Variants in NPSR1 observed in about 807,000 individuals in gnomAD.
NPSR1 encodes the protein neuropeptide S receptor.
In NPSR1, 48 loss-of-function variants were observed where a neutral mutation model predicts 46.9. The observed-to-expected ratio is 1.02, with a 90% CI of 0.81 to 1.30. NPSR1 has a LOEUF of 1.30. NPSR1 is among the 50% of genes most tolerant of loss of function. The probability of loss-of-function intolerance (pLI) is 0.00; values close to 1 mark genes in which losing one functional copy is unlikely to be tolerated. For synonymous variants in NPSR1, 176 were observed against 168.1 expected (o/e 1.05, Z -0.36); for missense variants, 450 against 449.5 (o/e 1.00, Z -0.01).
intron 8 of NPSR1, among the ~76,000 whole-genome samples, chr7:34,864,360 T>G (rs1279573766): frequency 2.7e-5 from 4 of 146,574 alleles, no homozygotes; most frequent in Non-Finnish European, 6.0e-5. Flanking sequence ...ATCCCAGAAC[T>G]TAAAGTATAA....
intron 2 of NPSR1, among the ~76,000 whole-genome samples, chr7:34,736,729 C>A (rs962145631): frequency 2.6e-5 from 4 of 151,930 alleles, no homozygotes; most frequent in Non-Finnish European, 5.9e-5. Context: ...GCCTCCCAAG[C>A]AGCTAGGACT....
At chr7:34,842,833 G>A (rs1480772903) in intron 6 of NPSR1, among the ~76,000 whole-genome samples, 2 of 152,218 alleles carry the variant, frequency 1.3e-5, no homozygotes, top group Admixed American at 6.5e-5. Context: ...CAGGAGTTCA[G>A]CCCAAGCTCC....
At chr7:34,823,417 C>G (rs59849129) in intron 4 of NPSR1, among the ~76,000 whole-genome samples, 1 of 103,958 alleles carries the variant, frequency 9.6e-6, no homozygotes. Context: ...AAAAAAAAAA[C>G]AACACCATAA....
chr7:34,734,111 G>A (rs964615258), intron 2 of NPSR1, among the ~76,000 whole-genome samples: 10 of 152,168 alleles, frequency 6.6e-5, no homozygotes, highest in Admixed American at 2.6e-4. Context: ...CTTAGGAAAC[G>A]AATTTAATAG....
chr7:34,851,977 G>A (rs928808436), downstream of NPSR1, among the ~76,000 whole-genome samples: 4 of 152,214 alleles, frequency 2.6e-5, no homozygotes, highest in African/African-American at 9.6e-5. Flanking sequence ...GCTGAGCTTG[G>A]AGAAACATGA....
intron 7 of NPSR1, among the ~76,000 whole-genome samples, chr7:34,848,009 G>T (rs567495614): frequency 7.2e-5 from 11 of 152,134 alleles, no homozygotes; most frequent in Non-Finnish European, 1.5e-4. Context: ...ATTAAACTGG[G>T]GTGTGCTTAG....
intron 2 of NPSR1, among the ~76,000 whole-genome samples, chr7:34,691,602 TA>T (rs1793263279): frequency 6.6e-6 from 1 of 151,316 alleles, no homozygotes; most frequent in South Asian, 2.1e-4. Context: ...CCACCAACAA[TA>T]AAAAAACAAG....
intron 3 of NPSR1, among the ~76,000 whole-genome samples, chr7:34,789,507 T>C (rs1427119355): frequency 1.3e-5 from 2 of 151,770 alleles, no homozygotes; most frequent in Non-Finnish European, 2.9e-5. Context: ...AAAAACTAAA[T>C]GTCAGCCAGG....
At chr7:34,689,866 GC>G (rs1321085090) in intron 2 of NPSR1, among the ~76,000 whole-genome samples, 1 of 150,896 alleles carries the variant, frequency 6.6e-6, no homozygotes, top group East Asian at 2.0e-4. Context: ...AATTATTGGT[GC>G]CCAGAAGGTC....
rs530990445 is a variant in NPSR1 at position 34,776,456 on chromosome 7, T to C, written c.281-2006T>C. ...ACCCCTTTTTCACTATATAGTAACCTTCTTTATCTCTTCCTATAGTTTTTG... is the reference window on the plus strand; with the variant it reads ...ACCCCTTTTTCACTATATAGTAACCCTCTTTATCTCTTCCTATAGTTTTTG... On this transcript the variant is annotated intron_variant, in intron 2 of 8. Transcript: ENST00000360581. Among the ~76,000 whole-genome samples, 3 of 152,190 alleles carry C rather than the reference T, an allele frequency of 2.0e-5. No individual in the cohort carries two copies. In the South Asian group the frequency reaches 6.2e-4, roughly 31 times the overall value.
chr7:34,784,484 A>G (rs1215157272), intron 3 of NPSR1, among the ~76,000 whole-genome samples: 1 of 152,084 alleles, frequency 6.6e-6, no homozygotes, highest in African/African-American at 2.4e-5. Flanking sequence ...GCTGGATTAC[A>G]TTTATTGATT....
At chr7:34,867,317 T>C (rs1584158018) in intron 8 of NPSR1, among the ~76,000 whole-genome samples, 1 of 151,850 alleles carries the variant, frequency 6.6e-6, no homozygotes, top group African/African-American at 2.4e-5. Flanking sequence ...GAAAGCGTGG[T>C]AGATGTGGAG....
chr7:34,821,961 G>A (rs1789578255), intron 4 of NPSR1, among the ~76,000 whole-genome samples: 1 of 152,108 alleles, frequency 6.6e-6, no homozygotes. Flanking sequence ...TCTAAAAACA[G>A]GGGGAGACCT....
intron 3 of NPSR1, among the ~76,000 whole-genome samples, chr7:34,789,102 T>A (rs1022275465): frequency 4.6e-5 from 7 of 151,732 alleles, no homozygotes; most frequent in Non-Finnish European, 1.0e-4. Context: ...TTAAGATAAA[T>A]GAAAATGAAA....
At chr7:34,860,811 C>T (rs1791174117) in intron 8 of NPSR1, among the ~76,000 whole-genome samples, 1 of 151,750 alleles carries the variant, frequency 6.6e-6, no homozygotes, top group African/African-American at 2.4e-5. Flanking sequence ...CCTCACAGAC[C>T]CCCAGGATTC....
At chr7:34,730,494 T>G (rs760273930) in intron 2 of NPSR1, among the ~76,000 whole-genome samples, 19 of 152,346 alleles carry the variant, frequency 1.2e-4, no homozygotes, top group Middle Eastern at 3.4e-3. Flanking sequence ...GACATAGGTG[T>G]GTAGAGTATG....
At chr7:34,757,080 C>T (rs564063913) in intron 2 of NPSR1, among the ~76,000 whole-genome samples, 28 of 152,236 alleles carry the variant, frequency 1.8e-4, no homozygotes, top group Middle Eastern at 3.4e-3. Context: ...CATGTTGGTT[C>T]GATGAGAGCA....
At chr7:34,781,924 C>A (rs1053068126) in intron 3 of NPSR1, among the ~76,000 whole-genome samples, 1 of 152,202 alleles carries the variant, frequency 6.6e-6, no homozygotes, top group Admixed American at 6.5e-5. Flanking sequence ...AGAGAGCTAG[C>A]CCCATCCAGG....
chr7:34,803,012 A>G (rs932830602), intron 3 of NPSR1, among the ~76,000 whole-genome samples: 4 of 150,310 alleles, frequency 2.7e-5, no homozygotes, highest in Non-Finnish European at 4.4e-5. Context: ...CAAAACCACA[A>G]TGAGCTACCA....
Sources: allele counts gnomAD v4.1 joint callset (sites outside exome capture counted in the v4.1 genomes callset), GRCh38; gene constraint gnomAD v4.1.1; transcripts MANE v1.5; gene names NCBI Gene and HGNC (gene_info 2026-07-23, HGNC 2026-07-21).